The following IL1RAP variants were observed in gnomAD, a reference collection of about 807,000 sequenced individuals.
IL1RAP encodes interleukin 1 receptor accessory protein, also known as interleukin-1 receptor accessory protein.
In IL1RAP, 35 loss-of-function variants were observed where a neutral mutation model predicts 60.7. The ratio of observed to expected loss-of-function variants is 0.58; its 90% confidence interval spans 0.44 to 0.76. IL1RAP has a LOEUF of 0.76. IL1RAP is among the 30% of genes least tolerant of loss of function. The pLI, the probability that IL1RAP is intolerant of heterozygous loss-of-function variation, is 0.00. For missense variants in IL1RAP, 572 were observed against 693.9 expected, an observed-to-expected ratio of 0.82 and a Z score of 1.97; for synonymous variants, 268 against 250.9, an observed-to-expected ratio of 1.07 and a Z score of -0.64.
rs79467698 is a variant in IL1RAP, at chr3:190,651,157, T to G, written c.*2452T>G. ...TAATTTAGAGAACAAGAACAAACCATGTCTCAAATTTTTTTAAAAAAAATT... is the reference window on the plus strand; with the variant it reads ...TAATTTAGAGAACAAGAACAAACCAGGTCTCAAATTTTTTTAAAAAAAATT... On this transcript the variant is annotated 3_prime_UTR_variant, in exon 12 of 12. Transcript: ENST00000447382. 1.0e-6 allele frequency: 1 copy of G among 982,804 alleles called. No individual in the cohort carries two copies. Among genetic ancestry groups the G allele is most frequent in the East Asian group, 1.1e-4 (1 of 8,804 alleles). 60.9% of individuals were successfully genotyped at this position (982,804 alleles called of 1,614,324 possible).
At chr3:190,632,499 T>C (rs1008073177) in intron 9 of IL1RAP, among the ~76,000 whole-genome samples, 5 of 152,224 alleles carry the variant, frequency 3.3e-5, no homozygotes, top group African/African-American at 9.6e-5. Context: ...CGCATATATA[T>C]CTCAAATAAA....
At chr3:190,584,802 T>C (rs1404362363) in intron 3 of IL1RAP, among the ~76,000 whole-genome samples, 1 of 152,224 alleles carries the variant, frequency 6.6e-6, no homozygotes, top group Non-Finnish European at 1.5e-5. Context: ...TTAATTTTCT[T>C]GTTATTTTAA....
chr3:190,600,093 T>C (rs184833766), intron 3 of IL1RAP, among the ~76,000 whole-genome samples: 119 of 152,302 alleles, frequency 7.8e-4, no homozygotes, highest in Middle Eastern at 3.4e-3. Context: ...TGCTCAGATT[T>C]AAGAAGAAGT....
At chr3:190,657,101 C>T (rs944087164) in exon 12 of IL1RAP, 2 of 152,702 alleles carry the variant, frequency 1.3e-5, no homozygotes, top group East Asian at 3.9e-4. Flanking sequence ...CAAACATACC[C>T]ACCCAGGGAT....
chr3:190,577,941 A>G (rs6801017), intron 3 of IL1RAP, among the ~76,000 whole-genome samples: 34,084 of 152,144 alleles, frequency 0.22, 4,010 homozygotes, highest in East Asian at 0.33. Flanking sequence ...CTGTTACTAC[A>G]TTAATTCATT....
chr3:190,577,401 T>A (rs1727588553), intron 3 of IL1RAP, among the ~76,000 whole-genome samples: 1 of 152,192 alleles, frequency 6.6e-6, no homozygotes, highest in Admixed American at 6.5e-5. Context: ...CATTTGAAGT[T>A]GGCTTTGGTA....
chr3:190,596,621 A>T (rs558767092), intron 3 of IL1RAP, among the ~76,000 whole-genome samples: 2 of 152,208 alleles, frequency 1.3e-5, no homozygotes, highest in African/African-American at 2.4e-5. Flanking sequence ...CTTTTGGCTG[A>T]GAGGAATGAT....
intron 1 of IL1RAP, among the ~76,000 whole-genome samples, chr3:190,522,420 T>TATCTATCG (rs1553824823): frequency 1.4e-4 from 6 of 42,190 alleles, no homozygotes; most frequent in African/African-American, 5.1e-4. Flanking sequence ...TGTATCTATG[T>TATCTATCG]ATCTATCTAT....
chr3:190,612,309 C>CTTATTTTAA (rs1730888730), intron 5 of IL1RAP, among the ~76,000 whole-genome samples: 1 of 151,990 alleles, frequency 6.6e-6, no homozygotes, highest in Non-Finnish European at 1.5e-5. Context: ...GTGTAATATA[C>CTTATTTTAA]CTTCCAGTTA....
intron 5 of IL1RAP, among the ~76,000 whole-genome samples, chr3:190,619,685 AC>A (rs1315934365): frequency 1.3e-5 from 2 of 151,718 alleles, no homozygotes; most frequent in African/African-American, 4.8e-5. Flanking sequence ...AGATCACGCC[AC>A]TGCACTCCAG....
At chr3:190,561,541 G>T (rs1036913788) in intron 2 of IL1RAP, among the ~76,000 whole-genome samples, 1 of 152,160 alleles carries the variant, frequency 6.6e-6, no homozygotes, top group Non-Finnish European at 1.5e-5. Flanking sequence ...ACACTAATTA[G>T]AATGTCTTAT....
At chr3:190,658,392 G>T (rs1734683426) in exon 12 of IL1RAP, 1 of 152,180 alleles carries the variant, frequency 6.6e-6, no homozygotes, top group African/African-American at 2.4e-5. Flanking sequence ...ACATAGTGGA[G>T]CATGTTTATC....
downstream of IL1RAP, among the ~76,000 whole-genome samples, chr3:190,655,550 T>C (rs1050240941): frequency 5.5e-5 from 8 of 145,842 alleles, no homozygotes; most frequent in Non-Finnish European, 7.5e-5. Flanking sequence ...AGTTACTCAA[T>C]TGCCCACCGT....
At chr3:190,630,373 G>A (rs1732680459) in intron 9 of IL1RAP, 2 of 161,960 alleles carry the variant, frequency 1.2e-5, no homozygotes, top group African/African-American at 5.7e-5. Flanking sequence ...ATGGTCTTGA[G>A]AAAAGTAATG....
In IL1RAP at chr3:190,640,577, T is replaced by C. The variant is rs146931566; in HGVS notation, c.1052-3671T>C. On this transcript the variant is annotated intron_variant, in intron 9 of 11. Transcript: ENST00000447382. ...TAATTTAGAACGGAGTAGCCATGGG[T>C]TCTGTGGCAGGGAACACTTGGAGGT... 6.8e-3 allele frequency among the ~76,000 whole-genome samples: 1,039 copies of C among 152,210 alleles called. 8 individuals carry two copies. The highest frequency in any genetic ancestry group is 0.024 in the African/African-American group (977 of 41,536).
At chr3:190,541,569 C>T (rs556163091) in intron 1 of IL1RAP, among the ~76,000 whole-genome samples, 1 of 152,228 alleles carries the variant, frequency 6.6e-6, no homozygotes, top group African/African-American at 2.4e-5. Flanking sequence ...AATTATACGC[C>T]TCCAAGTTGG....
At chr3:190,655,814 G>C (rs1734599992), downstream of IL1RAP, 2 of 1,073,350 alleles carry the variant, frequency 1.9e-6, no homozygotes, top group South Asian at 3.0e-5. Context: ...CTGTCCTCTG[G>C]AGGATGGACA....
chr3:190,543,768 A>G (rs919569050), intron 1 of IL1RAP, among the ~76,000 whole-genome samples: 2 of 152,136 alleles, frequency 1.3e-5, no homozygotes, highest in East Asian at 3.9e-4. Context: ...GTGGTACAGC[A>G]AAGGGTTGGA....
intron 1 of IL1RAP, 95 bp downstream of exon 1, chr3:190,514,314 A>G (rs1238475120): frequency 6.6e-6 from 1 of 152,220 alleles, no homozygotes; most frequent in African/African-American, 2.4e-5. Flanking sequence ...AAACCCTCCT[A>G]CTTTACAGAA....
Sources: allele counts gnomAD v4.1 joint callset (sites outside exome capture counted in the v4.1 genomes callset), GRCh38; gene constraint gnomAD v4.1.1; transcripts MANE v1.5; gene names NCBI Gene and HGNC (gene_info 2026-07-23, HGNC 2026-07-21).